The following NRF1 variants were observed in gnomAD, a reference collection of about 807,000 sequenced individuals.
NRF1 encodes alpha palindromic-binding protein.
In NRF1, 5 loss-of-function variants were observed where a neutral mutation model predicts 58.5. That is an observed-to-expected ratio of 0.09 (90% confidence interval 0.04 to 0.18). The LOEUF (loss-of-function observed/expected upper bound fraction) is 0.18, where lower values mean the gene tolerates loss of function less well. Among genes scored for constraint, NRF1 ranks in the 10% least tolerant of loss-of-function variants. The probability of loss-of-function intolerance (pLI) is 1.00; values close to 1 mark genes in which losing one functional copy is unlikely to be tolerated. For missense variants in NRF1, 288 were observed against 657.7 expected (o/e 0.44, Z 6.15); for synonymous variants, 224 against 246.7 (o/e 0.91, Z 0.86).
In NRF1 at chr7:129,755,178, G is replaced by A. The variant is rs1804223251; in HGVS notation, c.1509G>A (p.Gln503=). The A allele has an allele frequency of 6.2e-7, 1 of 1,605,116 alleles. No homozygotes were observed. Among genetic ancestry groups the A allele is most frequent in the South Asian group, 1.1e-5 (1 of 89,528 alleles). The change falls in exon 11 of 11, where the codon CAG becomes CAA. Residue 503 remains glutamine, a synonymous_variant. Transcript: ENST00000393232. This position sits in a 1 kb window ranked among gnomAD's most constrained non-coding sequence, Gnocchi z 5.8. ...GQAVEVVTLE[Q] ...CTGTGGAGGTGGTGACATTGGAACA[G>A]TGACATACAGCCATATTATGGCATC... is the stretch of plus-strand genomic sequence containing the variant.
intron 10 of NRF1, among the ~76,000 whole-genome samples, chr7:129,751,567 T>C (rs1240139279): frequency 1.3e-5 from 2 of 152,234 alleles, no homozygotes; most frequent in African/African-American, 4.8e-5. Context: ...CTTTGACAAT[T>C]CTTTTAGTTT....
At chr7:129,664,639 G>A (rs1801879936) in intron 2 of NRF1, among the ~76,000 whole-genome samples, 1 of 152,238 alleles carries the variant, frequency 6.6e-6, no homozygotes, top group South Asian at 2.1e-4. Context: ...TTTCTATGAA[G>A]GAAGATGGTT....
At position 129,710,495 on chromosome 7, in the gene NRF1, G is replaced by T; in HGVS notation, c.887G>T (p.Ser296Ile). 6.2e-7 allele frequency: 1 copy of T among 1,609,974 alleles called. No homozygotes were observed. Among genetic ancestry groups the T allele is most frequent in the Non-Finnish European group, 8.5e-7 (1 of 1,176,260 alleles). Residue 296 changes from serine to isoleucine, a missense_variant, in exon 7 of 11, where the codon AGT becomes ATT. Ser to Ile is a moderately radical substitution (Grantham distance 142). Coordinates refer to ENST00000393232, the MANE Select transcript of NRF1 (RefSeq NM_005011.5). The stretch of plus-strand genomic sequence containing the variant: ...CAAACACAGGCCACAGCCACACATA[G>T]TATAGCTCATCTTGTACCATCACAG... ...QTQTQATATH[S>I]IAHLVPSQTV...
chr7:129,742,415 G>A (rs930229119), intron 10 of NRF1, among the ~76,000 whole-genome samples: 4 of 151,986 alleles, frequency 2.6e-5, no homozygotes, highest in African/African-American at 9.7e-5. Context: ...AGATTGGCTC[G>A]CTAGAGAGGC....
intron 2 of NRF1, among the ~76,000 whole-genome samples, chr7:129,664,545 G>A (rs1801877544): frequency 6.6e-6 from 1 of 152,162 alleles, no homozygotes; most frequent in South Asian, 2.1e-4. Context: ...CAAAACACTT[G>A]AAATGTTTGT....
intron 1 of NRF1, among the ~76,000 whole-genome samples, chr7:129,636,505 C>T (rs1801171822): frequency 6.6e-6 from 1 of 152,186 alleles, no homozygotes; most frequent in Non-Finnish European, 1.5e-5. Flanking sequence ...ACCTTGGCCT[C>T]CCAAAGTGCT....
chr7:129,627,433 C>T (rs1401677882), intron 1 of NRF1, among the ~76,000 whole-genome samples: 1 of 151,980 alleles, frequency 6.6e-6, no homozygotes, highest in Non-Finnish European at 1.5e-5. Context: ...CTTGCCCAGG[C>T]TGGTCTCAAA....
At position 129,629,570 on chromosome 7, in the gene NRF1, C is replaced by T. The variant is rs551959601; in HGVS notation, c.-7+17746C>T. On this transcript the variant is annotated intron_variant, in intron 1 of 10. Coordinates refer to ENST00000393232, the MANE Select transcript of NRF1 (RefSeq NM_005011.5). The stretch of plus-strand genomic sequence containing the variant: ...GATTACAGGTGTGAGCCACTGCACC[C>T]GGCCCGCACACACGCTTTTTGAGAC... 7.3e-5 allele frequency among the ~76,000 whole-genome samples: 11 copies of T among 150,962 alleles called. No homozygotes were observed. The East Asian group carries it at 1.4e-3, about 19-fold the overall frequency.
chr7:129,644,348 C>T (rs991430018), intron 1 of NRF1, among the ~76,000 whole-genome samples: 9 of 152,060 alleles, frequency 5.9e-5, no homozygotes, highest in Non-Finnish European at 1.2e-4. Flanking sequence ...AAGGACAAAA[C>T]GCTGACAATC....
intron 10 of NRF1, among the ~76,000 whole-genome samples, chr7:129,754,429 C>T (rs1804198796): frequency 7.9e-6 from 1 of 126,250 alleles, no homozygotes; most frequent in African/African-American, 3.0e-5. Flanking sequence ...CGCCACTGCA[C>T]TCCAGCCTAG....
chr7:129,707,716 A>G lies in NRF1; in HGVS notation c.607-1359A>G, dbSNP rs541042556. ...GCCAAATATATATGGAGTGTATTAT[A>G]TCATATCCTGTAGGCAGGAGACTGT... On this transcript the variant is annotated intron_variant, in intron 5 of 10. Transcript: ENST00000393232. Among the ~76,000 whole-genome samples, 16 of 152,258 alleles carry G rather than the reference A, an allele frequency of 1.1e-4. No individual in the cohort carries two copies. In the East Asian group the frequency reaches 2.5e-3, roughly 24 times the overall value.
At chr7:129,691,466 C>A in intron 5 of NRF1, among the ~76,000 whole-genome samples, 1 of 150,638 alleles carries the variant, frequency 6.6e-6, no homozygotes, top group East Asian at 2.0e-4. Context: ...GGTTCAAGCG[C>A]TACTCGTGCC....
intron 1 of NRF1, among the ~76,000 whole-genome samples, chr7:129,641,163 T>C (rs1161110217): frequency 6.6e-6 from 1 of 152,244 alleles, no homozygotes; most frequent in Non-Finnish European, 1.5e-5. Context: ...ATAATGTGTT[T>C]AGACTTCTGT....
At chr7:129,704,282 T>C (rs1221158286) in intron 5 of NRF1, among the ~76,000 whole-genome samples, 1 of 152,128 alleles carries the variant, frequency 6.6e-6, no homozygotes, top group Non-Finnish European at 1.5e-5. Context: ...TTGTTTCAGA[T>C]ACATATAAAC....
intron 1 of NRF1, among the ~76,000 whole-genome samples, chr7:129,637,441 C>T (rs1475714784): frequency 6.6e-6 from 1 of 152,090 alleles, no homozygotes; most frequent in East Asian, 1.9e-4. Context: ...TTTTCTTTCT[C>T]AAACCTGGAC....
chr7:129,709,003 A>G, intron 5 of NRF1, 72 bp from the exon 6 acceptor site: 5 of 1,235,478 alleles, frequency 4.0e-6, no homozygotes, highest in Non-Finnish European at 5.3e-6. Context: ...TTATAAGGTT[A>G]GAATTTAAGG....
intron 1 of NRF1, among the ~76,000 whole-genome samples, chr7:129,638,311 T>G (rs2151065924): frequency 6.6e-6 from 1 of 152,314 alleles, no homozygotes; most frequent in East Asian, 1.9e-4. Flanking sequence ...AACAAAATCT[T>G]GGCAGCCAGA....
chr7:129,741,995 G>A lies in NRF1; in HGVS notation c.1349-13023G>A, dbSNP rs967146349. 6.6e-6 allele frequency among the ~76,000 whole-genome samples: 1 copy of A among 152,186 alleles called. No homozygotes were observed. The highest frequency in any genetic ancestry group is 1.9e-4 in the East Asian group (1 of 5,198). On this transcript the variant is annotated intron_variant, in intron 10 of 10. Coordinates refer to ENST00000393232, the MANE Select transcript of NRF1 (RefSeq NM_005011.5). This position sits in a 1 kb window ranked among gnomAD's most constrained non-coding sequence, Gnocchi z 4.0. ...GAGCAGGATATCAAATGAAGGGGAG[G>A]TTGTGGTTGGAGTCAGTGAAGTGAA...
At chr7:129,676,362 G>C (rs1176917554) in intron 3 of NRF1, among the ~76,000 whole-genome samples, 1 of 152,204 alleles carries the variant, frequency 6.6e-6, no homozygotes, top group African/African-American at 2.4e-5. Flanking sequence ...ACTAAGCTTA[G>C]TCATGTCTAG....
Sources: allele counts gnomAD v4.1 joint callset (sites outside exome capture counted in the v4.1 genomes callset), GRCh38; gene constraint gnomAD v4.1.1; non-coding constraint Gnocchi (gnomAD v3.1); transcripts MANE v1.5; gene names NCBI Gene and HGNC (gene_info 2026-07-23, HGNC 2026-07-21).